TFDP2: variants seen among roughly 807,000 people sequenced by gnomAD.
TFDP2 encodes transcription factor Dp-2 (E2F dimerization partner 2).
A neutral mutation model predicts 59.3 loss-of-function variants in TFDP2; 17 were observed. That is an observed-to-expected ratio of 0.29 (90% CI 0.20 to 0.43). TFDP2 has a LOEUF of 0.43. TFDP2 is among the 20% of genes least tolerant of loss of function. The pLI, the probability that TFDP2 is intolerant of heterozygous loss-of-function variation, is 1.00. For missense variants in TFDP2, 391 were observed against 528.8 expected, an observed-to-expected ratio of 0.74 and a Z score of 2.56; for synonymous variants, 180 against 194.7, an observed-to-expected ratio of 0.92 and a Z score of 0.63.
At chr3:142,040,656 C>T (rs1215516254) in intron 3 of TFDP2, among the ~76,000 whole-genome samples, 1 of 152,178 alleles carries the variant, frequency 6.6e-6, no homozygotes, top group Non-Finnish European at 1.5e-5. Flanking sequence ...TCTTGAACTC[C>T]CGACCTCAGG....
intron 2 of TFDP2, among the ~76,000 whole-genome samples, chr3:142,099,427 C>T (rs534308120): frequency 2.3e-3 from 346 of 152,238 alleles, no homozygotes; most frequent in Non-Finnish European, 4.1e-3. Context: ...CCGGGCCAGG[C>T]GCGGTGGCTC....
intron 3 of TFDP2, among the ~76,000 whole-genome samples, chr3:142,028,397 T>TCCC (rs11569172): frequency 9.4e-6 from 1 of 106,570 alleles, no homozygotes; most frequent in Admixed American, 1.0e-4. Flanking sequence ...ATTCTTCCCC[T>TCCC]CCCCCCCCAC....
At chr3:141,965,538 AGGGAGGGGAAGGGGAAGG>A (rs796796218) in intron 9 of TFDP2, among the ~76,000 whole-genome samples, 4 of 123,902 alleles carry the variant, frequency 3.2e-5, no homozygotes, top group Non-Finnish European at 3.3e-5. Flanking sequence ...AGGGAAGAGA[AGGGAGGGGAAGGGGAAGG>A]GGGAGGGGAA....
At chr3:142,094,677 T>G (rs969934655) in intron 2 of TFDP2, among the ~76,000 whole-genome samples, 4 of 152,156 alleles carry the variant, frequency 2.6e-5, no homozygotes, top group Non-Finnish European at 4.4e-5. Flanking sequence ...ATCATTGATA[T>G]ATAAAAATGG....
intron 4 of TFDP2, among the ~76,000 whole-genome samples, chr3:141,997,749 C>T (rs530536732): frequency 6.7e-5 from 10 of 148,760 alleles, no homozygotes; most frequent in African/African-American, 2.5e-4. Context: ...ACCTGGAAGG[C>T]TGAGGCAGGA....
chr3:142,048,231 A>G (rs1163955181), intron 3 of TFDP2, among the ~76,000 whole-genome samples: 6 of 152,026 alleles, frequency 3.9e-5, no homozygotes, highest in African/African-American at 1.4e-4. Flanking sequence ...CCTGGGCAAC[A>G]TGGTGAAACC....
At chr3:142,052,227 A>G (rs866333704) in intron 3 of TFDP2, among the ~76,000 whole-genome samples, 48 of 152,306 alleles carry the variant, frequency 3.2e-4, no homozygotes, top group Admixed American at 5.2e-4. Flanking sequence ...AAAAACTTAT[A>G]GGAAAATGTA....
chr3:141,960,551 G>A (rs182753953), intron 10 of TFDP2, among the ~76,000 whole-genome samples: 1 of 152,304 alleles, frequency 6.6e-6, no homozygotes, highest in Non-Finnish European at 1.5e-5. Context: ...CAGCCCTGCA[G>A]GGACAGGGTT....
chr3:142,041,966 T>C (rs1174669829), intron 3 of TFDP2, among the ~76,000 whole-genome samples: 1 of 152,178 alleles, frequency 6.6e-6, no homozygotes, highest in African/African-American at 2.4e-5. Flanking sequence ...CAGGTGACTA[T>C]ATTTGGGTGA....
At chr3:142,030,741 C>CTTTTTT in intron 3 of TFDP2, among the ~76,000 whole-genome samples, 1 of 121,790 alleles carries the variant, frequency 8.2e-6, no homozygotes, top group Non-Finnish European at 1.6e-5. Context: ...CCCGTGTTCT[C>CTTTTTT]TTTTTTTTTT....
chr3:141,969,114 TGA>T (rs1164612586), intron 9 of TFDP2, among the ~76,000 whole-genome samples: 1 of 83,986 alleles, frequency 1.2e-5, no homozygotes, highest in East Asian at 2.9e-4. Flanking sequence ...CTCATATATA[TGA>T]GATATATATA....
chr3:141,977,122 T>TTTTTTG (rs1940793187), intron 7 of TFDP2, among the ~76,000 whole-genome samples: 1 of 107,982 alleles, frequency 9.3e-6, no homozygotes, highest in Admixed American at 9.0e-5. Context: ...TTTTTTTTTT[T>TTTTTTG]TTTTTTCCCC....
intron 4 of TFDP2, among the ~76,000 whole-genome samples, chr3:141,996,260 G>A (rs1432601072): frequency 6.6e-6 from 1 of 152,154 alleles, no homozygotes; most frequent in Non-Finnish European, 1.5e-5. Context: ...AGCTTTAGAA[G>A]TATTTTCATG....
At chr3:142,104,300 C>T (rs981923302) in intron 1 of TFDP2, among the ~76,000 whole-genome samples, 24 of 152,032 alleles carry the variant, frequency 1.6e-4, no homozygotes, top group African/African-American at 5.8e-4. Context: ...TCCTGATATC[C>T]CATTCAACAG....
intron 3 of TFDP2, among the ~76,000 whole-genome samples, chr3:142,015,408 C>G (rs1945053208): frequency 6.6e-6 from 1 of 152,188 alleles, no homozygotes; most frequent in Non-Finnish European, 1.5e-5. Flanking sequence ...CTGCCCCCAC[C>G]CCATCCAGAA....
intron 3 of TFDP2, among the ~76,000 whole-genome samples, chr3:142,089,597 GATTC>G (rs2060933090): frequency 6.6e-6 from 1 of 151,990 alleles, no homozygotes; most frequent in Non-Finnish European, 1.5e-5. Context: ...GCTGATTAAA[GATTC>G]ATTATGATGT....
At chr3:142,001,631 A>G (rs547488085) in intron 4 of TFDP2, among the ~76,000 whole-genome samples, 1 of 152,316 alleles carries the variant, frequency 6.6e-6, no homozygotes, top group Admixed American at 6.5e-5. Flanking sequence ...TTACATGGCC[A>G]AGCTGAGAAT....
intron 3 of TFDP2, among the ~76,000 whole-genome samples, chr3:142,066,396 A>C (rs1423706826): frequency 6.6e-6 from 1 of 152,226 alleles, no homozygotes; most frequent in Non-Finnish European, 1.5e-5. Context: ...CACCTAACCT[A>C]TCAAACATTA....
At chr3:142,103,909 T>C (rs2061393484) in intron 1 of TFDP2, among the ~76,000 whole-genome samples, 1 of 151,988 alleles carries the variant, frequency 6.6e-6, no homozygotes, top group East Asian at 1.9e-4. Flanking sequence ...GTTTTTTTCA[T>C]GTGCAGAACA....
Sources: allele counts gnomAD v4.1 joint callset (sites outside exome capture counted in the v4.1 genomes callset), GRCh38; gene constraint gnomAD v4.1.1; transcripts MANE v1.5; gene names NCBI Gene and HGNC (gene_info 2026-07-23, HGNC 2026-07-21).